The following MANBA variants were observed in gnomAD, a reference collection of about 807,000 sequenced individuals.
The protein encoded by MANBA is beta-mannosidase.
In MANBA, 83 loss-of-function variants were observed where a neutral mutation model predicts 111.1. The observed-to-expected ratio is 0.75, with a 90% confidence interval of 0.63 to 0.90. The LOEUF is 0.90. Among genes scored for constraint, MANBA ranks in the 40% least tolerant of loss-of-function variants. MANBA has a pLI of 0.00. For missense variants in MANBA, 1,036 were observed against 1,069.0 expected, an observed-to-expected ratio of 0.97 and a Z score of 0.43; for synonymous variants, 370 against 378.7, an observed-to-expected ratio of 0.98 and a Z score of 0.27.
At chr4:102,694,641 G>C (rs1732624592) in intron 5 of MANBA, among the ~76,000 whole-genome samples, 1 of 152,094 alleles carries the variant, frequency 6.6e-6, no homozygotes, top group African/African-American at 2.4e-5. Context: ...TACTGGGGGT[G>C]AGGGCAGGAA....
intron 7 of MANBA, among the ~76,000 whole-genome samples, chr4:102,680,957 T>C (rs188687757): frequency 2.6e-5 from 4 of 152,340 alleles, no homozygotes; most frequent in African/African-American, 9.6e-5. Context: ...AATATAGGCC[T>C]ATCTGACCAA....
intron 13 of MANBA, among the ~76,000 whole-genome samples, chr4:102,644,920 T>A (rs753782360): frequency 4.6e-5 from 7 of 151,924 alleles, no homozygotes; most frequent in African/African-American, 9.7e-5. Flanking sequence ...TTAATTTTTT[T>A]AAAAAAAGAA....
intron 7 of MANBA, among the ~76,000 whole-genome samples, chr4:102,680,188 TG>T (rs1731900494): frequency 6.6e-6 from 1 of 152,224 alleles, no homozygotes. Context: ...CCTTATATTT[TG>T]TTGTTGCACA....
chr4:102,637,976 C>G (rs1013119464), intron 14 of MANBA, among the ~76,000 whole-genome samples: 5 of 152,190 alleles, frequency 3.3e-5, no homozygotes, highest in African/African-American at 1.2e-4. Context: ...CTGATGCAAT[C>G]TGCAGGTAGA....
chr4:102,634,692 G>A, intron 16 of MANBA, 96 bp downstream of exon 16: 1 of 1,524,734 alleles, frequency 6.6e-7, no homozygotes. Flanking sequence ...CACCAAGGGG[G>A]ACACATGCAA....
chr4:102,678,683 T>C (rs1285058386), intron 7 of MANBA, among the ~76,000 whole-genome samples: 1 of 152,228 alleles, frequency 6.6e-6, no homozygotes. Flanking sequence ...TCAGTGTTTT[T>C]ATTAGCTTCA....
chr4:102,683,043 T>G (rs188896654), intron 7 of MANBA, among the ~76,000 whole-genome samples: 1 of 152,342 alleles, frequency 6.6e-6, no homozygotes, highest in East Asian at 1.9e-4. Context: ...CTATGTACTT[T>G]TAAGGTCTTT....
intron 7 of MANBA, among the ~76,000 whole-genome samples, chr4:102,688,735 CA>C (rs1256466527): frequency 6.6e-6 from 1 of 152,182 alleles, no homozygotes; most frequent in Non-Finnish European, 1.5e-5. Flanking sequence ...TAATAAATAA[CA>C]AAGTGCAGTT....
chr4:102,760,227 C>T (rs897598491), intron 1 of MANBA, among the ~76,000 whole-genome samples: 8 of 152,190 alleles, frequency 5.3e-5, no homozygotes, highest in African/African-American at 1.9e-4. Flanking sequence ...GGTCATTCTC[C>T]ACAACGTCTG....
At chr4:102,758,373 T>C (rs1241630819) in intron 1 of MANBA, among the ~76,000 whole-genome samples, 2 of 152,154 alleles carry the variant, frequency 1.3e-5, no homozygotes, top group African/African-American at 2.4e-5. Context: ...ATCACCAAGA[T>C]ATGTTTCAAG....
chr4:102,739,451 A>G (rs894022518), intron 1 of MANBA, among the ~76,000 whole-genome samples: 3 of 152,200 alleles, frequency 2.0e-5, no homozygotes, highest in African/African-American at 7.2e-5. Flanking sequence ...CTAAATAATT[A>G]TATGAAGCCA....
chr4:102,707,228 G>T (rs1355913760), intron 5 of MANBA, among the ~76,000 whole-genome samples: 1 of 152,150 alleles, frequency 6.6e-6, no homozygotes, highest in Non-Finnish European at 1.5e-5. Flanking sequence ...ACTAACAGCA[G>T]ATCAGATTTT....
rs147834832 is a variant in MANBA at position 102,681,880 on chromosome 4, T to C, written c.960+7694A>G. On this transcript the variant is annotated intron_variant, in intron 7 of 16. Transcript: ENST00000647097. ...AGTACTCCAGGCCAGGTGCAGTGGC[T>C]CACGCCTGTAATCCTAGCACTTTGG... 2.5e-3 allele frequency among the ~76,000 whole-genome samples: 378 copies of C among 152,266 alleles called. 4 individuals carry two copies. The highest frequency in any genetic ancestry group is 8.5e-3 in the African/African-American group (355 of 41,546).
chr4:102,699,862 G>T (rs1484896921), intron 5 of MANBA, among the ~76,000 whole-genome samples: 2 of 150,442 alleles, frequency 1.3e-5, no homozygotes, highest in Non-Finnish European at 3.0e-5. Context: ...TCAGGATGAT[G>T]CTGGCCTCAT....
chr4:102,736,798 A>G (rs1723231525), intron 1 of MANBA, among the ~76,000 whole-genome samples: 1 of 152,220 alleles, frequency 6.6e-6, no homozygotes. Context: ...GAACCACCAC[A>G]GGAACATACC....
intron 1 of MANBA, among the ~76,000 whole-genome samples, chr4:102,758,547 T>G (rs1396596762): frequency 1.3e-5 from 2 of 151,246 alleles, no homozygotes; most frequent in East Asian, 3.9e-4. Flanking sequence ...TCTTTACTTT[T>G]TTTCTTTTTT....
intron 7 of MANBA, among the ~76,000 whole-genome samples, chr4:102,684,490 G>T (rs1383605478): frequency 6.6e-6 from 1 of 152,164 alleles, no homozygotes; most frequent in Non-Finnish European, 1.5e-5. Flanking sequence ...TGCTCCGAGT[G>T]TTATATCAGT....
intron 12 of MANBA, among the ~76,000 whole-genome samples, chr4:102,655,630 T>C (rs759462058): frequency 6.6e-6 from 1 of 152,208 alleles, no homozygotes; most frequent in Non-Finnish European, 1.5e-5. Flanking sequence ...TCCTACCTTC[T>C]ACCATACATA....
At position 102,729,118 on chromosome 4, in the gene MANBA, C is replaced by G. The variant is rs1722925412; in HGVS notation, c.178-2435G>C. Reference sequence around the variant, plus strand: ...GCAGGGCGGCCTCCAGCTTGGACAGCTTGGCGTTGGCATCCTTAACAGCCA... The same window carrying G: ...GCAGGGCGGCCTCCAGCTTGGACAGGTTGGCGTTGGCATCCTTAACAGCCA... On this transcript the variant is annotated intron_variant, in intron 1 of 16. Coordinates refer to ENST00000647097, the MANE Select transcript of MANBA (RefSeq NM_005908.4). The G allele has an allele frequency of 2.7e-6, 2 of 735,838 alleles. 1 individual carries two copies. Among genetic ancestry groups the G allele is most frequent in the African/African-American group, 3.4e-5 (2 of 58,018 alleles). 45.6% of individuals were successfully genotyped at this position (735,838 alleles called of 1,614,324 possible).
Sources: gnomAD v4.1 joint callset for allele counts (sites outside exome capture counted in the v4.1 genomes callset) on GRCh38, gnomAD v4.1.1 for gene constraint, MANE v1.5 for transcripts, NCBI Gene and HGNC (gene_info 2026-07-23, HGNC 2026-07-21) for gene names.